The following ATP8A2 variants were observed in gnomAD, a reference collection of about 807,000 sequenced individuals.
ATP8A2 encodes phospholipid-transporting ATPase IB.
In ATP8A2, 100 loss-of-function variants were observed where a neutral mutation model predicts 165.6. That is an observed-to-expected ratio of 0.60 (90% CI 0.51 to 0.71). The LOEUF (loss-of-function observed/expected upper bound fraction) is 0.71, where lower values mean the gene tolerates loss of function less well. ATP8A2 is among the 30% of genes least tolerant of loss of function. The pLI, the probability that ATP8A2 is intolerant of heterozygous loss-of-function variation, is 0.00. For synonymous variants in ATP8A2, 543 were observed against 548.8 expected (o/e 0.99, Z 0.15); for missense variants, 1,227 against 1,479.5 (o/e 0.83, Z 2.80).
intron 30 of ATP8A2, among the ~76,000 whole-genome samples, chr13:25,846,339 A>C (rs777280978): frequency 3.2e-4 from 49 of 152,200 alleles, no homozygotes; most frequent in Non-Finnish European, 5.3e-4. Flanking sequence ...GTAGAAGGTC[A>C]AGTTCAGATG....
At chr13:25,496,955 T>C (rs1381552421) in intron 2 of ATP8A2, among the ~76,000 whole-genome samples, 1 of 152,142 alleles carries the variant, frequency 6.6e-6, no homozygotes, top group Non-Finnish European at 1.5e-5. Context: ...TGGGCACGGC[T>C]TATGTTTGGC....
At chr13:25,886,744 A>G (rs1953171796) in intron 33 of ATP8A2, among the ~76,000 whole-genome samples, 1 of 152,124 alleles carries the variant, frequency 6.6e-6, no homozygotes, top group African/African-American at 2.4e-5. Context: ...AACAGCTGAG[A>G]CTCAGGGCCT....
chr13:25,958,367 G>T (rs1955579771), intron 33 of ATP8A2, among the ~76,000 whole-genome samples: 1 of 152,132 alleles, frequency 6.6e-6, no homozygotes, highest in South Asian at 2.1e-4. Flanking sequence ...CTGGGGCACT[G>T]GGGTGCATAT....
At chr13:25,529,649 G>A (rs750278765) in intron 2 of ATP8A2, among the ~76,000 whole-genome samples, 2 of 152,140 alleles carry the variant, frequency 1.3e-5, no homozygotes, top group South Asian at 2.1e-4. Context: ...AACATCTGTG[G>A]TGGTTACCCA....
At chr13:25,566,139 A>T (rs953982621) in intron 16 of ATP8A2, among the ~76,000 whole-genome samples, 5 of 152,106 alleles carry the variant, frequency 3.3e-5, no homozygotes, top group African/African-American at 1.2e-4. Context: ...CTCTTCTGAA[A>T]TGTGAGTGTA....
intron 33 of ATP8A2, among the ~76,000 whole-genome samples, chr13:25,960,820 C>T (rs190268429): frequency 2.6e-4 from 39 of 152,274 alleles, no homozygotes; most frequent in Non-Finnish European, 4.3e-4. Context: ...CCCAAGCTAT[C>T]CCTGACCAGC....
chr13:25,461,785 G>A (rs573439182), intron 1 of ATP8A2, among the ~76,000 whole-genome samples: 2 of 152,128 alleles, frequency 1.3e-5, no homozygotes, highest in East Asian at 3.9e-4. Context: ...GCAAACCATG[G>A]CCTGTAAAGT....
At chr13:25,810,973 T>C (rs1950853873) in intron 27 of ATP8A2, among the ~76,000 whole-genome samples, 1 of 152,252 alleles carries the variant, frequency 6.6e-6, no homozygotes, top group Non-Finnish European at 1.5e-5. Context: ...GTTTTCAACT[T>C]ACCCTGTGAA....
intron 27 of ATP8A2, among the ~76,000 whole-genome samples, chr13:25,783,595 T>A (rs1216732051): frequency 6.6e-6 from 1 of 152,156 alleles, no homozygotes; most frequent in Non-Finnish European, 1.5e-5. Context: ...AGTGGTGCTT[T>A]ACAGGCGTGG....
rs139373376 is a variant in ATP8A2, at chr13:25,377,213, C to A, written c.76+4925C>A. Among the ~76,000 whole-genome samples, 878 of 152,332 alleles carry A rather than the reference C, an allele frequency of 5.8e-3. 9 individuals are homozygous for A. The highest frequency in any genetic ancestry group is 0.02 in the African/African-American group (838 of 41,570). On this transcript the variant is annotated intron_variant, in intron 1 of 36. Transcript: ENST00000381655. The stretch of plus-strand genomic sequence containing the variant: ...TCTATTCTTCCTCCTTGGATCTTTA[C>A]ATTTACTAAATATAACTTCTGGTCA...
chr13:25,866,058 G>A (rs1451964863), intron 33 of ATP8A2, among the ~76,000 whole-genome samples: 3 of 152,170 alleles, frequency 2.0e-5, no homozygotes, highest in Non-Finnish European at 2.9e-5. Context: ...GCCTGCTGAA[G>A]TAGAACTTTG....
At chr13:25,471,269 A>G (rs2035836067) in intron 2 of ATP8A2, among the ~76,000 whole-genome samples, 1 of 150,378 alleles carries the variant, frequency 6.6e-6, no homozygotes, top group East Asian at 1.9e-4. Context: ...TTTGTTATCC[A>G]TTTATGCATG....
intron 1 of ATP8A2, among the ~76,000 whole-genome samples, chr13:25,430,304 G>C (rs1336035645): frequency 3.9e-5 from 6 of 152,120 alleles, no homozygotes; most frequent in South Asian, 2.1e-4. Flanking sequence ...ATGGACATGG[G>C]GGGGCCCGTG....
chr13:25,816,503 A>C (rs1951023339), intron 27 of ATP8A2, among the ~76,000 whole-genome samples: 1 of 152,258 alleles, frequency 6.6e-6, no homozygotes. Flanking sequence ...CATTTGGAAA[A>C]GTTGTGCTCA....
chr13:25,544,462 G>T (rs1275515157), intron 10 of ATP8A2, among the ~76,000 whole-genome samples: 1 of 152,208 alleles, frequency 6.6e-6, no homozygotes, highest in Non-Finnish European at 1.5e-5. Context: ...AGCAGTAGAC[G>T]TTGGTGGCCA....
chr13:25,442,488 G>T (rs1034213919), intron 1 of ATP8A2, among the ~76,000 whole-genome samples: 2 of 151,994 alleles, frequency 1.3e-5, no homozygotes, highest in Admixed American at 6.6e-5. Context: ...ATTATGGCTC[G>T]CTGTAGCCTC....
At chr13:25,699,070 G>C (rs1423810666) in intron 24 of ATP8A2, 103 bp from the exon 25 acceptor site, 7 of 870,360 alleles carry the variant, frequency 8.0e-6, no homozygotes, top group Non-Finnish European at 1.2e-5. Flanking sequence ...ATTTATATTA[G>C]AATGGGTGTG....
chr13:25,465,991 T>C (rs956304871), intron 1 of ATP8A2, among the ~76,000 whole-genome samples: 4 of 151,806 alleles, frequency 2.6e-5, no homozygotes, highest in Non-Finnish European at 5.9e-5. Context: ...AATTCATGCT[T>C]TTATCATCTT....
chr13:25,787,647 T>A (rs1240583359), intron 27 of ATP8A2, among the ~76,000 whole-genome samples: 1 of 152,248 alleles, frequency 6.6e-6, no homozygotes. Flanking sequence ...CTCACTTTGG[T>A]TACATGTGGG....
Sources: gnomAD v4.1 joint callset for allele counts (sites outside exome capture counted in the v4.1 genomes callset) on GRCh38, gnomAD v4.1.1 for gene constraint, MANE v1.5 for transcripts, NCBI Gene and HGNC (gene_info 2026-07-23, HGNC 2026-07-21) for gene names.